WTAP: variants seen among roughly 807,000 people sequenced by gnomAD.
The protein encoded by WTAP is WT1 associated protein.
In WTAP, 8 loss-of-function variants were observed where a neutral mutation model predicts 50.0. The ratio of observed to expected loss-of-function variants is 0.16; its 90% CI spans 0.09 to 0.29. The LOEUF (loss-of-function observed/expected upper bound fraction) is 0.29. Among genes scored for constraint, WTAP ranks in the 10% least tolerant of loss-of-function variants. The probability of loss-of-function intolerance (pLI) is 1.00; values close to 1 mark genes in which losing one functional copy is unlikely to be tolerated. For missense variants in WTAP, 295 were observed against 470.7 expected, an observed-to-expected ratio of 0.63 and a Z score of 3.45; for synonymous variants, 194 against 169.0, an observed-to-expected ratio of 1.15 and a Z score of -1.15.
intron 1 of WTAP, among the ~76,000 whole-genome samples, chr6:159,732,902 T>TA (rs1234089708): frequency 3.3e-5 from 5 of 150,658 alleles, no homozygotes; most frequent in Non-Finnish European, 7.4e-5. Context: ...TGTGTGTGTG[T>TA]GTGTGTGTGT....
chr6:159,727,628 G>A lies in WTAP; in HGVS notation c.-84G>A, dbSNP rs904764580. Reference sequence around the variant, plus strand: ...TGTCCGGCTGCGCGGTGGCCCGGGGGGCCCGGGCGGCAGGGCAAGCAGCGC... The same window carrying A: ...TGTCCGGCTGCGCGGTGGCCCGGGGAGCCCGGGCGGCAGGGCAAGCAGCGC... On this transcript the variant is annotated 5_prime_UTR_variant, in exon 1 of 8. Transcript: ENST00000621533. 8 of 986,052 alleles carry A rather than the reference G, an allele frequency of 8.1e-6. No homozygotes were observed. Among genetic ancestry groups the A allele is most frequent in the Middle Eastern group, 5.2e-4 (1 of 1,940 alleles). The allele number at this position is 986,052 out of a possible 1,614,324, so 61.1% of individuals were successfully genotyped here. A position where few individuals can be genotyped will look rare whatever the true frequency, so the allele number is the denominator to read the frequency against.
At chr6:159,746,235 A>G (rs1288158772) in intron 5 of WTAP, among the ~76,000 whole-genome samples, 2 of 152,204 alleles carry the variant, frequency 1.3e-5, no homozygotes, top group African/African-American at 2.4e-5. Flanking sequence ...AGTGAGAGAA[A>G]CTAAATTTAA....
chr6:159,741,893 C>A (rs964961811), intron 3 of WTAP, 195 bp from the exon 4 acceptor site: 28 of 469,952 alleles, frequency 6.0e-5, no homozygotes, highest in Non-Finnish European at 3.8e-6. Flanking sequence ...CGCTTGAGCC[C>A]AGACCCTGTT....
intron 6 of WTAP, among the ~76,000 whole-genome samples, chr6:159,750,462 C>T (rs1014776579): frequency 1.3e-5 from 2 of 152,090 alleles, no homozygotes; most frequent in African/African-American, 4.8e-5. Context: ...GTGTCACTCC[C>T]GGATGTGACC....
chr6:159,741,759 G>A (rs1281475331), intron 3 of WTAP: 2 of 202,960 alleles, frequency 9.9e-6, no homozygotes, highest in Non-Finnish European at 2.0e-5. Context: ...AGGCCAGGGT[G>A]TGAGGATCAT....
intron 5 of WTAP, among the ~76,000 whole-genome samples, chr6:159,744,442 A>G (rs568399080): frequency 7.9e-5 from 12 of 152,310 alleles, no homozygotes; most frequent in African/African-American, 2.9e-4. Context: ...CATTTGGTAC[A>G]TATAGAAGTC....
At chr6:159,740,119 ACAGGCATGGGCCACC>A (rs1268278923) in intron 3 of WTAP, among the ~76,000 whole-genome samples, 4 of 151,842 alleles carry the variant, frequency 2.6e-5, no homozygotes, top group Non-Finnish European at 5.9e-5. Flanking sequence ...TGCTGGGATT[ACAGGCATGGGCCACC>A]ATGCCTGGCC....
intron 4 of WTAP, 128 bp from the exon 5 acceptor site, chr6:159,743,537 T>TAGG: frequency 1.1e-6 from 1 of 922,916 alleles, no homozygotes; most frequent in South Asian, 2.1e-5. Flanking sequence ...ATTCGCCTGT[T>TAGG]ATAAAAGTAG....
chr6:159,736,578 T>A (rs983163989), intron 2 of WTAP: 2 of 284,400 alleles, frequency 7.0e-6, no homozygotes, highest in Admixed American at 9.4e-5. Context: ...TTTCCAGGTC[T>A]ACTCTTAATG....
chr6:159,752,052 A>AC (rs1163223115), intron 6 of WTAP, among the ~76,000 whole-genome samples: 1 of 145,612 alleles, frequency 6.9e-6, no homozygotes, highest in African/African-American at 2.6e-5. Flanking sequence ...ACACAGTGAG[A>AC]CCCCCATCTC....
At chr6:159,754,008 A>ATT in intron 7 of WTAP, among the ~76,000 whole-genome samples, 1 of 152,330 alleles carries the variant, frequency 6.6e-6, no homozygotes, top group Non-Finnish European at 1.5e-5. Flanking sequence ...AAAGTAATAA[A>ATT]GTTGATTGTA....
At position 159,742,109 on chromosome 6, in the gene WTAP, T is replaced by C. The variant is rs747020167; in HGVS notation, c.108T>C (p.Tyr36=). The C allele has an allele frequency of 3.4e-5, 55 of 1,607,042 alleles. No individual in the cohort carries two copies. The highest frequency in any genetic ancestry group is 3.5e-4 in the Middle Eastern group (2 of 5,746). The change falls in exon 4 of 8, where the codon TAT becomes TAC. Residue 36 remains tyrosine (Y), a synonymous_variant. Transcript: ENST00000621533. The part of the protein sequence containing the change: ...LILRWKQYEA[Y]VQALEGKYTD... ...TTAGATGGAAACAATATGAAGCATATGTACAAGCTTTGGAGGGCAAGTACA... is the reference window on the plus strand; with the variant it reads ...TTAGATGGAAACAATATGAAGCATACGTACAAGCTTTGGAGGGCAAGTACA...
intron 4 of WTAP, among the ~76,000 whole-genome samples, chr6:159,742,573 AT>A (rs1297793584): frequency 6.6e-6 from 1 of 152,110 alleles, no homozygotes; most frequent in Non-Finnish European, 1.5e-5. Context: ...ATATATACAG[AT>A]TTTTTTAAAT....
chr6:159,741,494 G>A (rs1779252190), intron 3 of WTAP: 1 of 152,134 alleles, frequency 6.6e-6, no homozygotes, highest in African/African-American at 2.4e-5. Context: ...ACATATGAAA[G>A]CAGCAGTGGG....
chr6:159,755,369 T>C lies in WTAP; in HGVS notation c.949T>C (p.Ser317Pro). ...PGNGNKSSNS[S>P]EERTGRGGSG... ...GAATGGTAATAAGTCCTCCAACAGC[T>C]CAGAGGAGAGAACTGGCAGAGGAGG... Residue 317 changes from serine to proline, a missense_variant, in exon 8 of 8, where the codon TCA becomes CCA. Physicochemically the swap from Ser to Pro is moderately conservative, Grantham distance 74 (BLOSUM62 -1). Around this residue, in one of 2 missense-constraint regions of WTAP, gnomAD observed 175 missense variants for 183.1 expected, o/e 0.96. Coordinates refer to ENST00000621533, the MANE Select transcript of WTAP (RefSeq NM_001270531.2). 6.2e-7 allele frequency: 1 copy of C among 1,614,100 alleles called. No homozygotes were observed. The highest frequency in any genetic ancestry group is 8.5e-7 in the Non-Finnish European group (1 of 1,180,010).
At chr6:159,744,284 G>A (rs1353587451) in intron 5 of WTAP, among the ~76,000 whole-genome samples, 1 of 152,150 alleles carries the variant, frequency 6.6e-6, no homozygotes, top group African/African-American at 2.4e-5. Context: ...ACGTAGATCT[G>A]AAATCTAGTG....
At chr6:159,749,457 T>A (rs1339064489) in intron 6 of WTAP, 1 of 980,662 alleles carries the variant, frequency 1.0e-6, no homozygotes, top group Non-Finnish European at 1.2e-6. Flanking sequence ...CAAAGAATAT[T>A]ATGATGATTT....
intron 6 of WTAP, among the ~76,000 whole-genome samples, chr6:159,752,211 G>T: frequency 6.6e-6 from 1 of 152,262 alleles, no homozygotes; most frequent in East Asian, 1.9e-4. Flanking sequence ...AAGAAGGAAA[G>T]ACTAGAATTT....
chr6:159,733,723 G>A (rs553746080), intron 1 of WTAP, among the ~76,000 whole-genome samples: 27 of 151,998 alleles, frequency 1.8e-4, no homozygotes, highest in African/African-American at 6.5e-4. Context: ...AGACCACCCT[G>A]ACCAACATGG....
Sources: gnomAD v4.1 joint callset for allele counts (sites outside exome capture counted in the v4.1 genomes callset) on GRCh38, gnomAD v4.1.1 for gene constraint, gnomAD v4.1.1 regional missense constraint, MANE v1.5 for transcripts, NCBI Gene and HGNC (gene_info 2026-07-23, HGNC 2026-07-21) for gene names.